Variants in WRNIP1 observed in about 807,000 individuals in gnomAD.
WRNIP1 encodes ATPase WRNIP1.
In WRNIP1, 41 loss-of-function variants were observed where a neutral mutation model predicts 56.1. The observed-to-expected ratio is 0.73, with a 90% CI of 0.57 to 0.95. The LOEUF (loss-of-function observed/expected upper bound fraction) is 0.95, where lower values mean the gene tolerates loss of function less well. Among genes scored for constraint, WRNIP1 ranks in the 40% least tolerant of loss-of-function variants. The probability of loss-of-function intolerance (pLI) is 0.00; values close to 1 mark genes in which losing one functional copy is unlikely to be tolerated. For missense variants in WRNIP1, 1,170 were observed against 939.4 expected, an observed-to-expected ratio of 1.25 and a Z score of -3.21; for synonymous variants, 547 against 398.1, an observed-to-expected ratio of 1.37 and a Z score of -4.45.
chr6:2,765,942 G>A lies in WRNIP1; in HGVS notation c.320G>A (p.Ser107Asn). 1 of 1,443,838 alleles carries A rather than the reference G, an allele frequency of 6.9e-7. No individual in the cohort carries two copies. 89.4% of individuals were successfully genotyped at this position (1,443,838 alleles called of 1,614,324 possible). The change falls in exon 1 of 7, where the codon AGC becomes AAC. Residue 107 changes from serine to asparagine, a missense_variant. Ser to Asn is a conservative substitution (Grantham distance 46). Transcript: ENST00000380773. The stretch of plus-strand genomic sequence containing the variant: ...GGCGACGACGGCGGCGAGACCGAGA[G>A]CCGCGAGAGCTACGACGCGCCGCCC... ...EEGDDGGETE[S>N]RESYDAPPTP...
intron 1 of WRNIP1, among the ~76,000 whole-genome samples, chr6:2,767,283 A>G (rs1765059343): frequency 6.6e-6 from 1 of 152,252 alleles, no homozygotes; most frequent in Admixed American, 6.5e-5. Flanking sequence ...GCTTAAATAC[A>G]GGATGCTTTT....
rs1331229187 is a variant in WRNIP1, at chr6:2,765,792, C to G, written c.170C>G (p.Ala57Gly). The G allele has an allele frequency of 1.4e-6, 2 of 1,416,856 alleles. No individual in the cohort carries two copies. Among genetic ancestry groups the G allele is most frequent in the South Asian group, 2.9e-5 (2 of 68,964 alleles). 87.8% of individuals were successfully genotyped at this position (1,416,856 alleles called of 1,614,324 possible). ...HAEPAAGSHR[A>G]GERAKGPSPP... is the part of the protein sequence containing the mutation. Reference sequence around the variant, plus strand: ...GAGCCCGCGGCCGGGTCGCACCGCGCCGGGGAGCGGGCCAAGGGGCCCTCG... The same window carrying G: ...GAGCCCGCGGCCGGGTCGCACCGCGGCGGGGAGCGGGCCAAGGGGCCCTCG... The change falls in exon 1 of 7, where the codon GCC (alanine) becomes GGC (glycine). Residue 57 changes from alanine to glycine, a missense_variant. Physicochemically the swap from Ala to Gly is moderately conservative, Grantham distance 60. Coordinates refer to ENST00000380773, the MANE Select transcript of WRNIP1 (RefSeq NM_020135.3).
intron 3 of WRNIP1, 26 bp downstream of exon 3, chr6:2,770,387 GGGGGC>G: frequency 1.9e-6 from 3 of 1,612,874 alleles, no homozygotes; most frequent in Non-Finnish European, 2.5e-6. Context: ...GCAGCGTCCT[GGGGGC>G]ACACACCTCC....
intron 5 of WRNIP1, among the ~76,000 whole-genome samples, 166 bp from the exon 6 acceptor site, chr6:2,784,158 T>C (rs1765651010): frequency 6.6e-6 from 1 of 152,208 alleles, no homozygotes; most frequent in Non-Finnish European, 1.5e-5. Context: ...ATTTCTTGCA[T>C]AAGTTCATGG....
At chr6:2,771,049 A>G (rs1765262358) in intron 3 of WRNIP1, among the ~76,000 whole-genome samples, 1 of 152,042 alleles carries the variant, frequency 6.6e-6, no homozygotes. Flanking sequence ...CTTTTTTTTA[A>G]TATTAGAACA....
chr6:2,766,474 G>T (rs192188358), intron 1 of WRNIP1, 30 bp downstream of exon 1: 2 of 1,476,298 alleles, frequency 1.4e-6, no homozygotes, highest in South Asian at 1.3e-5. Context: ...TTGGGCTTCC[G>T]TAGTTATCTC....
chr6:2,778,869 T>A (rs991958574), intron 3 of WRNIP1, among the ~76,000 whole-genome samples: 4 of 152,228 alleles, frequency 2.6e-5, no homozygotes, highest in Non-Finnish European at 4.4e-5. Flanking sequence ...GGATGTAGGC[T>A]GCATTTGGAA....
chr6:2,776,087 C>T (rs970768741), intron 3 of WRNIP1, among the ~76,000 whole-genome samples: 7 of 152,188 alleles, frequency 4.6e-5, no homozygotes, highest in Admixed American at 3.3e-4. Flanking sequence ...TAGTTTGTGC[C>T]GCAGTTTGCT....
intron 3 of WRNIP1, chr6:2,774,265 T>A: frequency 1.0e-6 from 1 of 985,452 alleles, no homozygotes; most frequent in African/African-American, 1.7e-5. Context: ...CTCATGGTCC[T>A]TGGATGCACT....
Position 2,765,939 on chromosome 6 carries a change from A to G in WRNIP1, c.317A>G (p.Glu106Gly). ...GAGGGCGACGACGGCGGCGAGACCG[A>G]GAGCCGCGAGAGCTACGACGCGCCG... ...GEEGDDGGET[E>G]SRESYDAPPT... The change falls in exon 1 of 7, where the codon GAG becomes GGG. Residue 106 changes from glutamate to glycine, a missense_variant. By Grantham distance (98) the Glu-to-Gly change is moderately conservative. Coordinates refer to ENST00000380773, the MANE Select transcript of WRNIP1 (RefSeq NM_020135.3). 3 of 1,443,456 alleles carry G rather than the reference A, an allele frequency of 2.1e-6. No individual in the cohort carries two copies. The highest frequency in any genetic ancestry group is 2.7e-6 in the Non-Finnish European group (3 of 1,098,826). The allele number at this position is 1,443,456 out of a possible 1,614,324, so 89.4% of individuals were successfully genotyped here.
At position 2,765,884 on chromosome 6, in the gene WRNIP1, G is replaced by A. The variant is rs1219089368; in HGVS notation, c.262G>A (p.Ala88Thr). The A allele has an allele frequency of 2.4e-5, 35 of 1,450,710 alleles. No homozygotes were observed. Among genetic ancestry groups the A allele is most frequent in the East Asian group, 3.0e-5 (1 of 32,984 alleles). 89.9% of individuals were successfully genotyped at this position (1,450,710 alleles called of 1,614,324 possible). Residue 88 changes from alanine to threonine, a missense_variant, in exon 1 of 7, where the codon GCA becomes ACA. By Grantham distance (58) the Ala-to-Thr change is moderately conservative. Transcript: ENST00000380773. ...GCTGAAGCAGCCAGCCACCCCGACG[G>A]CAGCCGAGAGCAGCGAGGGCGAGGG... Reference protein sequence around the residue: ...SALKQPATPTAAESSEGEGEE... With the variant: ...SALKQPATPTTAESSEGEGEE...
At chr6:2,781,121 A>T (rs541234820) in intron 4 of WRNIP1, among the ~76,000 whole-genome samples, 33 of 152,136 alleles carry the variant, frequency 2.2e-4, no homozygotes, top group Admixed American at 2.2e-3. Flanking sequence ...CACCCATTAC[A>T]TCATGCTCCT....
Position 2,779,435 on chromosome 6 carries a change from A to C in WRNIP1, c.1429A>C (p.Thr477Pro). Residue 477 changes from threonine (T) to proline (P), a missense_variant, in exon 4 of 7, where the codon ACA becomes CCA. By Grantham distance (38) the Thr-to-Pro change is conservative. Coordinates refer to ENST00000380773, the MANE Select transcript of WRNIP1 (RefSeq NM_020135.3). ...QSYSPSRVLI[T>P]ENDVKEGLQR... ...CTATTCTCCCAGTAGAGTTCTGATCACAGAGAATGACGTGAAGGAGGGCCT... is the reference window on the plus strand; with the variant it reads ...CTATTCTCCCAGTAGAGTTCTGATCCCAGAGAATGACGTGAAGGAGGGCCT... The C allele has an allele frequency of 6.2e-7, 1 of 1,614,238 alleles. No individual in the cohort carries two copies. The highest frequency in any genetic ancestry group is 8.5e-7 in the Non-Finnish European group (1 of 1,180,032).
chr6:2,766,343 G>C lies in WRNIP1; in HGVS notation c.721G>C (p.Gly241Arg). ...MRPDTLQDYF[G>R]QSKAVGQDTL... ...TCCTGACACGCTGCAGGATTACTTC[G>C]GGCAGAGCAAGGCCGTGGGCCAGGA... The change falls in exon 1 of 7, where the codon GGG becomes CGG. Residue 241 changes from glycine (G) to arginine (R), a missense_variant. By Grantham distance (125) the Gly-to-Arg change is moderately radical. Coordinates refer to ENST00000380773, the MANE Select transcript of WRNIP1 (RefSeq NM_020135.3). The C allele has an allele frequency of 6.2e-7, 1 of 1,610,620 alleles. No homozygotes were observed. Among genetic ancestry groups the C allele is most frequent in the Non-Finnish European group, 8.5e-7 (1 of 1,178,978 alleles).
At chr6:2,779,747 A>G (rs1040295640) in intron 4 of WRNIP1, among the ~76,000 whole-genome samples, 1 of 152,226 alleles carries the variant, frequency 6.6e-6, no homozygotes, top group Non-Finnish European at 1.5e-5. Context: ...CAGGCTGCAC[A>G]TTCACCTTAG....
At chr6:2,776,938 T>A (rs1298787107) in intron 3 of WRNIP1, among the ~76,000 whole-genome samples, 1 of 152,196 alleles carries the variant, frequency 6.6e-6, no homozygotes, top group African/African-American at 2.4e-5. Flanking sequence ...TTAAAGTAAA[T>A]GTTGACAGGT....
intron 3 of WRNIP1, among the ~76,000 whole-genome samples, chr6:2,778,608 C>G (rs1765485755): frequency 6.6e-6 from 1 of 152,158 alleles, no homozygotes; most frequent in Admixed American, 6.5e-5. Flanking sequence ...TCTCTGCTAC[C>G]CTGTGCGGAT....
At chr6:2,774,159 T>C in intron 3 of WRNIP1, 4 of 985,210 alleles carry the variant, frequency 4.1e-6, no homozygotes, top group Non-Finnish European at 4.8e-6. Context: ...TTAAAAATTT[T>C]TTAAGTACAT....
intron 1 of WRNIP1, among the ~76,000 whole-genome samples, chr6:2,768,072 G>A (rs1225554926): frequency 2.0e-5 from 3 of 152,162 alleles, no homozygotes; most frequent in South Asian, 2.1e-4. Flanking sequence ...GAGGACCCAA[G>A]AAGTGCTTTA....
Sources: gnomAD v4.1 joint callset for allele counts (sites outside exome capture counted in the v4.1 genomes callset) on GRCh38, gnomAD v4.1.1 for gene constraint, MANE v1.5 for transcripts, NCBI Gene and HGNC (gene_info 2026-07-23, HGNC 2026-07-21) for gene names.